The following POLDIP3 variants were observed in gnomAD, a reference collection of about 807,000 sequenced individuals.
The protein encoded by POLDIP3 is polymerase delta-interacting protein 3.
Under a neutral mutation model 45.1 loss-of-function variants are expected in POLDIP3, and 14 were observed. The ratio of observed to expected loss-of-function variants is 0.31; its 90% CI spans 0.20 to 0.49. The LOEUF is 0.49. POLDIP3 is among the 20% of genes least tolerant of loss of function. The probability of loss-of-function intolerance (pLI) is 0.99; values close to 1 mark genes in which losing one functional copy is unlikely to be tolerated. For missense variants in POLDIP3, 511 were observed against 538.8 expected (o/e 0.95, Z 0.51); for synonymous variants, 223 against 205.2 (o/e 1.09, Z -0.74).
intron 6 of POLDIP3, among the ~76,000 whole-genome samples, chr22:42,593,209 T>C (rs1310798396): frequency 6.6e-6 from 1 of 152,254 alleles, no homozygotes; most frequent in Non-Finnish European, 1.5e-5. Flanking sequence ...CTCATCATAC[T>C]GTTATTTTTA....
rs1926490605 is a variant in POLDIP3, at chr22:42,602,930, A to T, written c.290T>A (p.Met97Lys). The T allele has an allele frequency of 6.2e-7, 1 of 1,613,948 alleles. No homozygotes were observed. Among genetic ancestry groups the T allele is most frequent in the Non-Finnish European group, 8.5e-7 (1 of 1,180,014 alleles). ...GGTCTGCTGCTTGCGAGAGTTCAACATCTCTCTGGCATCCTGCACTTTCCC... is the reference window on the plus strand; with the variant it reads ...GGTCTGCTGCTTGCGAGAGTTCAACTTCTCTCTGGCATCCTGCACTTTCCC... ...IKGKVQDARE[M>K]LNSRKQQTTV... is the part of the protein sequence containing the mutation. The change falls in exon 2 of 9, where the codon ATG (methionine) becomes AAG (lysine). Residue 97 changes from methionine (M) to lysine (K), a missense_variant. Transcript: ENST00000252115.
At chr22:42,607,501 C>T (rs983304473) in intron 1 of POLDIP3, among the ~76,000 whole-genome samples, 16 of 152,234 alleles carry the variant, frequency 1.1e-4, no homozygotes, top group African/African-American at 3.6e-4. Flanking sequence ...CCCAAAGTGC[C>T]GAGATTGCAG....
intron 1 of POLDIP3, among the ~76,000 whole-genome samples, chr22:42,613,056 C>T (rs1927223691): frequency 6.6e-6 from 1 of 152,152 alleles, no homozygotes; most frequent in Admixed American, 6.6e-5. Flanking sequence ...ACTCTGCACA[C>T]ACTAAAACCA....
intron 6 of POLDIP3, among the ~76,000 whole-genome samples, chr22:42,595,240 T>C (rs4524211): frequency 0.017 from 2,599 of 152,354 alleles, 75 homozygotes; most frequent in African/African-American, 0.06. Context: ...GTACTGAGTC[T>C]TTAATGAGCT....
At chr22:42,604,781 G>A (rs1290194324) in intron 1 of POLDIP3, among the ~76,000 whole-genome samples, 1 of 152,184 alleles carries the variant, frequency 6.6e-6, no homozygotes, top group Non-Finnish European at 1.5e-5. Context: ...AACACCTGCT[G>A]CCTCCAATAT....
chr22:42,606,073 T>C (rs1926705815), intron 1 of POLDIP3, among the ~76,000 whole-genome samples: 1 of 152,062 alleles, frequency 6.6e-6, no homozygotes, highest in Non-Finnish European at 1.5e-5. Context: ...ACCCAGGAGA[T>C]GGAGGTTACA....
chr22:42,596,193 G>A lies in POLDIP3; in HGVS notation c.806C>T (p.Ala269Val). 1.2e-6 allele frequency: 2 copies of A among 1,614,094 alleles called. No individual in the cohort carries two copies. The highest frequency in any genetic ancestry group is 1.7e-6 in the Non-Finnish European group (2 of 1,180,002). The change falls in exon 5 of 9, where the codon GCT (alanine) becomes GTT (valine). Residue 269 changes from alanine (A) to valine (V), a missense_variant. Coordinates refer to ENST00000252115, the MANE Select transcript of POLDIP3 (RefSeq NM_032311.5). ...NKEEPPKELP[A>V]AEPVLSPLEG... is the part of the protein sequence containing the mutation. ...TCACCACCATCACCTCACCTCAGCA[G>A]CTGGCAGCTCTTTGGGGGGTTCTTC...
intron 5 of POLDIP3, 88 bp from the exon 6 acceptor site, chr22:42,595,702 G>T: frequency 8.2e-7 from 1 of 1,219,688 alleles, no homozygotes; most frequent in Non-Finnish European, 1.2e-6. Flanking sequence ...TGACTAGGAA[G>T]GCCCAGAGGA....
intron 1 of POLDIP3, among the ~76,000 whole-genome samples, chr22:42,607,640 C>T (rs1262769896): frequency 1.3e-5 from 2 of 150,798 alleles, no homozygotes; most frequent in Admixed American, 6.6e-5. Flanking sequence ...TCTTCCCGGC[C>T]GCCATCCCAT....
At chr22:42,589,458 AC>A (rs1178415455) in intron 7 of POLDIP3, among the ~76,000 whole-genome samples, 3 of 152,204 alleles carry the variant, frequency 2.0e-5, no homozygotes, top group African/African-American at 7.2e-5. Context: ...GCAAGTAACA[AC>A]AGAACCTCAA....
chr22:42,587,162 G>A (rs1277428859), intron 8 of POLDIP3, among the ~76,000 whole-genome samples: 1 of 152,156 alleles, frequency 6.6e-6, no homozygotes, highest in Non-Finnish European at 1.5e-5. Flanking sequence ...ATCTGGCACT[G>A]TCTCCATCAG....
chr22:42,602,739 C>T (rs746186412), intron 2 of POLDIP3, 31 bp downstream of exon 2: 1 of 1,560,360 alleles, frequency 6.4e-7, no homozygotes, highest in Admixed American at 1.9e-5. Flanking sequence ...TACTAGCTTT[C>T]TGGGAATTCA....
chr22:42,607,237 G>A (rs959405335), intron 1 of POLDIP3, among the ~76,000 whole-genome samples: 36 of 152,326 alleles, frequency 2.4e-4, no homozygotes, highest in Non-Finnish European at 2.9e-4. Context: ...TCAGCCTGCC[G>A]AGTGCCTGGG....
rs1334159773 is a variant in POLDIP3 at position 42,595,588 on chromosome 22, G to A, written c.840C>T (p.Thr280=). The change falls in exon 6 of 9, where the codon ACC becomes ACT. Residue 280 remains threonine (T), a synonymous_variant. Coordinates refer to ENST00000252115, the MANE Select transcript of POLDIP3 (RefSeq NM_032311.5). ...GGTGCAGATTATTCACAGTCATCTT[G>A]GTGCCTTCCAATGGGCTGAGAACAG... ...AEPVLSPLEG[T]KMTVNNLHPR... 1 of 1,613,978 alleles carries A rather than the reference G, an allele frequency of 6.2e-7. No individual in the cohort carries two copies. The highest frequency in any genetic ancestry group is 1.1e-5 in the South Asian group (1 of 91,062).
At chr22:42,586,678 A>T (rs1448767392) in intron 8 of POLDIP3, among the ~76,000 whole-genome samples, 1 of 152,206 alleles carries the variant, frequency 6.6e-6, no homozygotes, top group East Asian at 1.9e-4. Context: ...ACAGTTTAAG[A>T]ACTTATCCAA....
chr22:42,596,478 CT>C, intron 4 of POLDIP3, 113 bp from the exon 5 acceptor site: 1 of 1,066,974 alleles, frequency 9.4e-7, no homozygotes, highest in Admixed American at 2.8e-5. Flanking sequence ...TCCCAGCTCT[CT>C]AATTCTATTA....
rs1925215690 is a variant in POLDIP3, at chr22:42,585,116, G to C, written c.*675C>G. ...AAGGAAAAGGGAAAGGTGAACTCTG[G>C]AGAACTTCCTCTGGGTGGAGACGAC... On this transcript the variant is annotated 3_prime_UTR_variant, in exon 9 of 9. Coordinates refer to ENST00000252115, the MANE Select transcript of POLDIP3 (RefSeq NM_032311.5). The C allele has an allele frequency of 2.3e-6, 1 of 438,070 alleles. No individual in the cohort carries two copies. Among genetic ancestry groups the C allele is most frequent in the Non-Finnish European group, 4.6e-6 (1 of 218,496 alleles). The allele number at this position is 438,070 out of a possible 1,614,324, so 27.1% of individuals were successfully genotyped here.
Position 42,585,438 on chromosome 22 carries a change from C to A in POLDIP3, c.*353G>T. The A allele has an allele frequency of 2.8e-6, 1 of 359,874 alleles. No homozygotes were observed. The highest frequency in any genetic ancestry group is 5.4e-6 in the Non-Finnish European group (1 of 184,168). The allele number at this position is 359,874 out of a possible 1,614,324, so 22.3% of individuals were successfully genotyped here. On this transcript the variant is annotated 3_prime_UTR_variant, in exon 9 of 9. Transcript: ENST00000252115. ...AGCAGGGTCCTTCAGACAGCCCCCA[C>A]GCTGCATCCCATGGGGCCACAAGAA...
At chr22:42,589,283 A>G (rs1340779869) in intron 7 of POLDIP3, among the ~76,000 whole-genome samples, 1 of 152,090 alleles carries the variant, frequency 6.6e-6, no homozygotes, top group East Asian at 1.9e-4. Context: ...TATCACTCAA[A>G]TAGCAACCCT....
Sources: gnomAD v4.1 joint callset for allele counts (sites outside exome capture counted in the v4.1 genomes callset) on GRCh38, gnomAD v4.1.1 for gene constraint, MANE v1.5 for transcripts, NCBI Gene and HGNC (gene_info 2026-07-23, HGNC 2026-07-21) for gene names.